The following CYGB variants were observed in gnomAD, a reference collection of about 807,000 sequenced individuals.
The protein encoded by CYGB is cytoglobin.
Under a neutral mutation model 20.7 loss-of-function variants are expected in CYGB, and 13 were observed. The ratio of observed to expected loss-of-function variants is 0.63; its 90% confidence interval spans 0.41 to 1.00. The LOEUF is 1.00. CYGB is among the 50% of genes least tolerant of loss of function. The probability of loss-of-function intolerance (pLI) is 0.00; values close to 1 mark genes in which losing one functional copy is unlikely to be tolerated. For synonymous variants in CYGB, 93 were observed against 107.4 expected, an observed-to-expected ratio of 0.87 and a Z score of 0.83; for missense variants, 218 against 257.2, an observed-to-expected ratio of 0.85 and a Z score of 1.04.
At chr17:76,535,940 C>T (rs995354854) in intron 1 of CYGB, among the ~76,000 whole-genome samples, 4 of 152,212 alleles carry the variant, frequency 2.6e-5, no homozygotes, top group Admixed American at 6.5e-5. Flanking sequence ...GTGTGCCAGA[C>T]GCATGCAAGG....
chr17:76,548,872 C>G (rs1055895749), intron 1 of CYGB, among the ~76,000 whole-genome samples: 4 of 152,140 alleles, frequency 2.6e-5, no homozygotes, highest in Admixed American at 6.5e-5. Flanking sequence ...GGACAGTGAC[C>G]CCATGACTGC....
chr17:76,527,749 C>T lies in CYGB; in HGVS notation c.*829G>A, dbSNP rs780799906. The T allele has an allele frequency of 2.0e-5, 9 of 453,914 alleles. No homozygotes were observed. The highest frequency in any genetic ancestry group is 9.3e-5 in the South Asian group (6 of 64,474). 28.1% of individuals were successfully genotyped at this position (453,914 alleles called of 1,614,324 possible). A position where few individuals can be genotyped will look rare whatever the true frequency, so the allele number is the denominator to read the frequency against. ...GGCCAAGGCAGGTGGAGCTAGCGGT[C>T]GAGGTTTCTGGACTGAGGCCCCTCC... is the stretch of plus-strand genomic sequence containing the variant. On this transcript the variant is annotated 3_prime_UTR_variant, in exon 4 of 4. Coordinates refer to ENST00000293230, the MANE Select transcript of CYGB (RefSeq NM_134268.5).
chr17:76,529,957 A>G (rs2074815159), intron 3 of CYGB: 4 of 985,170 alleles, frequency 4.1e-6, no homozygotes, highest in South Asian at 4.7e-5. Flanking sequence ...TGTGGTCAGC[A>G]GCAGGAAGGG....
intron 1 of CYGB, chr17:76,545,623 C>T (rs978598815): frequency 3.0e-6 from 1 of 329,480 alleles, no homozygotes; most frequent in African/African-American, 2.2e-5. Flanking sequence ...GCACATCCTA[C>T]CTCTGTGGCC....
rs1160940006 is a variant in CYGB at position 76,546,946 on chromosome 17, G to A, written c.-53+3916C>T. On this transcript the variant is annotated intron_variant, in intron 1 of 3. Coordinates refer to the CYGB transcript ENST00000589145. The surrounding 1 kb of genome is among the most constrained non-coding windows in gnomAD (Gnocchi z 4.5). ...TGAGCCTGGGAAATCTGACACCAAA[G>A]CTTGGGATAGAGGGGGCCCAAGTCT... The A allele has an allele frequency of 1.3e-5, 2 of 152,234 alleles. No individual in the cohort carries two copies. Among genetic ancestry groups the A allele is most frequent in the African/African-American group, 4.8e-5 (2 of 41,454 alleles). 9.4% of individuals were successfully genotyped at this position (152,234 alleles called of 1,614,324 possible). A position where few individuals can be genotyped will look rare whatever the true frequency, so the allele number is the denominator to read the frequency against.
intron 1 of CYGB, among the ~76,000 whole-genome samples, chr17:76,532,557 A>G (rs1171747816): frequency 4.9e-5 from 6 of 123,020 alleles, no homozygotes; most frequent in African/African-American, 1.3e-4. Context: ...TTTGAGATGG[A>G]GTCTCACTCT....
At chr17:76,529,724 G>C in intron 3 of CYGB, 1 of 985,386 alleles carries the variant, frequency 1.0e-6, no homozygotes, top group Non-Finnish European at 1.2e-6. Flanking sequence ...GCTGGTGGGG[G>C]GTGAGGGGGC....
intron 1 of CYGB, among the ~76,000 whole-genome samples, chr17:76,542,786 T>C (rs1005153875): frequency 6.6e-6 from 1 of 152,200 alleles, no homozygotes; most frequent in African/African-American, 2.4e-5. Flanking sequence ...ACTCATGCCT[T>C]TGGCTGCTAC....
Position 76,528,922 on chromosome 17 carries a change from G to A in CYGB, c.540-311C>T, listed in dbSNP as rs901406898. 8 of 1,163,386 alleles carry A rather than the reference G, an allele frequency of 6.9e-6. No individual in the cohort carries two copies. In the Admixed American group the frequency reaches 1.9e-4, roughly 27 times the overall value. The allele number at this position is 1,163,386 out of a possible 1,614,324, so 72.1% of individuals were successfully genotyped here. A position where few individuals can be genotyped will look rare whatever the true frequency, so the allele number is the denominator to read the frequency against. On this transcript the variant is annotated intron_variant, in intron 3 of 3. Coordinates refer to ENST00000293230, the MANE Select transcript of CYGB (RefSeq NM_134268.5). The surrounding 1 kb of genome is among the most constrained non-coding windows in gnomAD (Gnocchi z 5.8). Reference sequence around the variant, plus strand: ...AAACTGCAAAGCACGATACCAATGTGAGCTCTTTTTCCATTAATTCTGAAA... The same window carrying A: ...AAACTGCAAAGCACGATACCAATGTAAGCTCTTTTTCCATTAATTCTGAAA...
upstream of CYGB, chr17:76,540,092 C>T (rs900212175): frequency 6.4e-7 from 1 of 1,563,446 alleles, no homozygotes; most frequent in African/African-American, 1.4e-5. The surrounding 1 kb of genome is among the most constrained non-coding windows in gnomAD (Gnocchi z 5.0). Flanking sequence ...TGGCCCCTCG[C>T]CTGTGGCCTT....
intron 1 of CYGB, among the ~76,000 whole-genome samples, chr17:76,547,971 AACATACACAT>A (rs1414327430): frequency 4.0e-5 from 6 of 151,224 alleles, no homozygotes; most frequent in African/African-American, 1.5e-4. Flanking sequence ...CATACACATA[AACATACACAT>A]ACATACACAT....
At position 76,537,512 on chromosome 17, in the gene CYGB, C is replaced by G. The variant is rs1349628825; in HGVS notation, c.31G>C (p.Glu11Gln). MEKVPGEMEI[E>Q]RRERSEELSE... ...AGCTCCTCGCTCCGCTCCCTGCGCT[C>G]GATCTCCATCTCGCCTGGCACTTTC... Residue 11 changes from glutamate to glutamine, a missense_variant, in exon 1 of 4, where the codon GAG (glutamate) becomes CAG (glutamine). By Grantham distance (29) the Glu-to-Gln change is conservative. Around this residue, in one of 2 missense-constraint regions of CYGB, gnomAD observed 152 missense variants for 149.9 expected, o/e 1.01. Transcript: ENST00000293230. The G allele has an allele frequency of 5.1e-6, 8 of 1,574,638 alleles. No homozygotes were observed. The highest frequency in any genetic ancestry group is 2.8e-5 in the African/African-American group (2 of 71,110).
At chr17:76,544,478 G>A in intron 1 of CYGB, 1 of 455,772 alleles carries the variant, frequency 2.2e-6, no homozygotes, top group Non-Finnish European at 4.4e-6. Flanking sequence ...AGCCTGGCTG[G>A]GGTGTGTGCG....
chr17:76,537,614 C>CGCCGGGA lies in CYGB; in HGVS notation c.-79_-73dup, dbSNP rs1334851652. 44 of 999,910 alleles carry CGCCGGGA rather than the reference C, an allele frequency of 4.4e-5. No individual in the cohort carries two copies. The highest frequency in any genetic ancestry group is 5.3e-5 in the African/African-American group (3 of 56,322). The allele number at this position is 999,910 out of a possible 1,614,324, so 61.9% of individuals were successfully genotyped here. ...GGGGCGCGGGGCGCGGGGCGCGGGG[C>CGCCGGGA]GCCGGGAGCCGGGGCCGGCTGCGTG... On this transcript the variant is annotated 5_prime_UTR_variant, in exon 1 of 4. Coordinates refer to ENST00000293230, the MANE Select transcript of CYGB (RefSeq NM_134268.5).
At position 76,530,814 on chromosome 17, in the gene CYGB, T is replaced by C. The variant is rs1438047047; in HGVS notation, c.539+165A>G. On this transcript the variant is annotated intron_variant, in intron 3 of 3. Transcript: ENST00000293230. The surrounding 1 kb of genome is among the most constrained non-coding windows in gnomAD (Gnocchi z 6.1). ...TCACAGGGGAGCCATCTTGAAGGCC[T>C]TTCCTATTATGCCTGTTCTTACATG... is the stretch of plus-strand genomic sequence containing the variant. 6.6e-6 allele frequency among the ~76,000 whole-genome samples: 1 copy of C among 152,112 alleles called. No individual in the cohort carries two copies. The highest frequency in any genetic ancestry group is 1.9e-4 in the East Asian group (1 of 5,176).
chr17:76,530,672 C>G lies in CYGB; in HGVS notation c.539+307G>C, dbSNP rs1275002221. Among the ~76,000 whole-genome samples the G allele has an allele frequency of 2.0e-5, 3 of 152,192 alleles. No individual in the cohort carries two copies. Among genetic ancestry groups the G allele is most frequent in the Non-Finnish European group, 4.4e-5 (3 of 68,032 alleles). On this transcript the variant is annotated intron_variant, in intron 3 of 3. Transcript: ENST00000293230. This position sits in a 1 kb window ranked among gnomAD's most constrained non-coding sequence, Gnocchi z 6.1. The stretch of plus-strand genomic sequence containing the variant: ...ACCTTACCGCCAGGAGCCTCTGGCG[C>G]CTCTCTGCCTGGGCAGCTGTGGCTT...
At chr17:76,541,224 G>GA (rs528124716), upstream of CYGB, among the ~76,000 whole-genome samples, 50 of 152,298 alleles carry the variant, frequency 3.3e-4, no homozygotes, top group Non-Finnish European at 5.4e-4. Context: ...CCAAACACTG[G>GA]AAAAAATCAG....
chr17:76,532,973 G>T (rs1031458239), intron 1 of CYGB, among the ~76,000 whole-genome samples: 18 of 152,336 alleles, frequency 1.2e-4, no homozygotes, highest in Non-Finnish European at 1.3e-4. Flanking sequence ...GTTCTTCCAG[G>T]TTGTTCTGCC....
chr17:76,542,251 C>A (rs1037324232), upstream of CYGB, among the ~76,000 whole-genome samples: 2 of 152,190 alleles, frequency 1.3e-5, 1 homozygote, highest in South Asian at 4.1e-4. Flanking sequence ...CAGGCCTGGC[C>A]TGGCGTGACT....
Sources: allele counts gnomAD v4.1 joint callset (sites outside exome capture counted in the v4.1 genomes callset), GRCh38; gene constraint gnomAD v4.1.1; regional missense constraint gnomAD v4.1.1; non-coding constraint Gnocchi (gnomAD v3.1); transcripts MANE v1.5; gene names NCBI Gene and HGNC (gene_info 2026-07-23, HGNC 2026-07-21).